Variants in CCDC102B observed in about 807,000 individuals in gnomAD.
The protein encoded by CCDC102B is coiled-coil domain containing 102B, also known as coiled-coil domain-containing protein 102B.
Under a neutral mutation model 57.4 loss-of-function variants are expected in CCDC102B, and 75 were observed. The observed-to-expected ratio is 1.31, with a 90% CI of 1.08 to 1.58. CCDC102B has a LOEUF of 1.58. Ranked by LOEUF, CCDC102B falls within the 40% of genes most tolerant of loss-of-function variation. CCDC102B has a pLI of 0.00. For missense variants in CCDC102B, 636 were observed against 582.6 expected (o/e 1.09, Z -0.94); for synonymous variants, 206 against 201.9 (o/e 1.02, Z -0.17).
At chr18:68,844,998 A>T (rs1006476056) in intron 3 of CCDC102B, among the ~76,000 whole-genome samples, 3 of 151,922 alleles carry the variant, frequency 2.0e-5, no homozygotes, top group African/African-American at 7.2e-5. Flanking sequence ...GAGTCCTATA[A>T]GTGGTGCTTT....
At chr18:68,821,851 G>T (rs1417590534) in intron 1 of CCDC102B, among the ~76,000 whole-genome samples, 1 of 151,784 alleles carries the variant, frequency 6.6e-6, no homozygotes, top group Non-Finnish European at 1.5e-5. Context: ...TAATTGTAGA[G>T]AAAAATAAAA....
At chr18:68,897,556 T>A (rs571808583) in intron 6 of CCDC102B, 128 bp downstream of exon 6, 2 of 1,561,226 alleles carry the variant, frequency 1.3e-6, no homozygotes, top group East Asian at 4.5e-5. Context: ...TACCTGATAC[T>A]CCTTGCTCTT....
At chr18:68,931,477 G>T (rs62095004) in intron 6 of CCDC102B, among the ~76,000 whole-genome samples, 41,298 of 151,408 alleles carry the variant, frequency 0.27, 7,140 homozygotes, top group East Asian at 0.65. Flanking sequence ...TCATCTGGGG[G>T]TGAAGATTTT....
At chr18:68,994,739 T>A (rs2050975284) in intron 6 of CCDC102B, among the ~76,000 whole-genome samples, 1 of 152,324 alleles carries the variant, frequency 6.6e-6, no homozygotes, top group South Asian at 2.1e-4. Flanking sequence ...TCCCCAGCCA[T>A]GCCGAACTGT....
At chr18:69,025,477 G>A (rs2051959111) in intron 7 of CCDC102B, among the ~76,000 whole-genome samples, 1 of 152,098 alleles carries the variant, frequency 6.6e-6, no homozygotes, top group Non-Finnish European at 1.5e-5. Flanking sequence ...TTGAGAACAG[G>A]TACACTACTG....
chr18:68,881,032 A>T (rs191274905), intron 5 of CCDC102B, among the ~76,000 whole-genome samples: 99 of 152,350 alleles, frequency 6.5e-4, no homozygotes, highest in African/African-American at 2.1e-3. Flanking sequence ...TAGGCTTTCT[A>T]GAAATCACCA....
At chr18:69,045,664 C>T (rs963368590) in intron 7 of CCDC102B, among the ~76,000 whole-genome samples, 1 of 152,012 alleles carries the variant, frequency 6.6e-6, no homozygotes, top group African/African-American at 2.4e-5. Context: ...AACTGCATGT[C>T]ACAGGGGCAT....
chr18:68,870,766 C>T (rs1279254409), intron 4 of CCDC102B, among the ~76,000 whole-genome samples: 2 of 152,094 alleles, frequency 1.3e-5, no homozygotes, highest in Non-Finnish European at 2.9e-5. Flanking sequence ...ACATTGACTT[C>T]AATATTTGGT....
intron 2 of CCDC102B, among the ~76,000 whole-genome samples, chr18:68,762,604 G>T (rs1428230454): frequency 6.6e-6 from 1 of 152,128 alleles, no homozygotes; most frequent in East Asian, 1.9e-4. Context: ...CCTAAGAAAA[G>T]CCAGAAAGTA....
chr18:69,026,837 C>G (rs2052006175), intron 7 of CCDC102B, among the ~76,000 whole-genome samples: 1 of 152,192 alleles, frequency 6.6e-6, no homozygotes, highest in South Asian at 2.1e-4. Flanking sequence ...CCCAATTTTC[C>G]AAGAACCTAT....
At chr18:68,960,530 T>C (rs2050019785) in intron 6 of CCDC102B, among the ~76,000 whole-genome samples, 1 of 151,764 alleles carries the variant, frequency 6.6e-6, no homozygotes, top group African/African-American at 2.4e-5. Flanking sequence ...TTTCACGGAG[T>C]GGTGTGAACC....
intron 6 of CCDC102B, among the ~76,000 whole-genome samples, chr18:68,994,962 A>T (rs1226833515): frequency 6.6e-6 from 1 of 152,222 alleles, no homozygotes; most frequent in African/African-American, 2.4e-5. Flanking sequence ...AAATGTGGGA[A>T]GGTTTGGAAC....
chr18:68,738,992 C>T (rs2033264115), intron 2 of CCDC102B, among the ~76,000 whole-genome samples: 1 of 124,148 alleles, frequency 8.1e-6, no homozygotes, highest in Admixed American at 8.0e-5. Context: ...AGATGAGCAG[C>T]CTTTTGTTTT....
At chr18:68,790,935 G>T (rs1204654816) in intron 2 of CCDC102B, among the ~76,000 whole-genome samples, 2 of 152,184 alleles carry the variant, frequency 1.3e-5, no homozygotes, top group African/African-American at 4.8e-5. Context: ...ATAAGGAAAT[G>T]ACATTTTTTG....
chr18:68,748,439 T>C (rs2033715611), intron 2 of CCDC102B, among the ~76,000 whole-genome samples: 1 of 152,148 alleles, frequency 6.6e-6, no homozygotes. Context: ...TCCATTTTAC[T>C]AACTGGTAGT....
At chr18:69,011,777 C>A (rs983500844) in intron 7 of CCDC102B, among the ~76,000 whole-genome samples, 15 of 151,730 alleles carry the variant, frequency 9.9e-5, no homozygotes, top group Middle Eastern at 6.9e-3. Context: ...AGTCACTGTT[C>A]CTGCTCCTGT....
rs2035063280 is a variant in CCDC102B at position 68,783,091 on chromosome 18, AT to A, written c.-66-40274del. 3.9e-5 allele frequency among the ~76,000 whole-genome samples: 6 copies of A among 152,130 alleles called. No individual in the cohort carries two copies. In the South Asian group the frequency reaches 1.2e-3, roughly 32 times the overall value. On this transcript the variant is annotated intron_variant, in intron 2 of 3. Transcript: ENST00000578970. ...TCGTTTTGCAGGTGAGGTAATTGGT[AT>A]CCAGTGGAGGTTGGTACGATTGGTT...
intron 7 of CCDC102B, among the ~76,000 whole-genome samples, chr18:69,017,569 G>A (rs751185685): frequency 2.6e-5 from 4 of 151,994 alleles, no homozygotes; most frequent in Non-Finnish European, 4.4e-5. Flanking sequence ...TGTGTATAAT[G>A]TGATGACCTG....
chr18:68,807,545 A>G (rs915433109), intron 1 of CCDC102B, among the ~76,000 whole-genome samples: 2 of 152,150 alleles, frequency 1.3e-5, no homozygotes, highest in African/African-American at 4.8e-5. Context: ...TGAGAAATGT[A>G]AGAGTTTAAT....
Sources: gnomAD v4.1 joint callset for allele counts (sites outside exome capture counted in the v4.1 genomes callset) on GRCh38, gnomAD v4.1.1 for gene constraint, MANE v1.5 for transcripts, NCBI Gene and HGNC (gene_info 2026-07-23, HGNC 2026-07-21) for gene names.